TMEM132D: variants seen among roughly 807,000 people sequenced by gnomAD.
The protein encoded by TMEM132D is mature OL transmembrane protein.
Under a neutral mutation model 62.3 loss-of-function variants are expected in TMEM132D, and 21 were observed. That is an observed-to-expected ratio of 0.34 (90% CI 0.24 to 0.49). TMEM132D has a LOEUF of 0.49. TMEM132D is among the 20% of genes least tolerant of loss of function. The probability of loss-of-function intolerance (pLI) is 0.99; values close to 1 mark genes in which losing one functional copy is unlikely to be tolerated. For missense variants in TMEM132D, 1,346 were observed against 1,402.8 expected, an observed-to-expected ratio of 0.96 and a Z score of 0.65; for synonymous variants, 621 against 575.6, an observed-to-expected ratio of 1.08 and a Z score of -1.13.
In TMEM132D at chr12:129,074,023, G is replaced by A. The variant is rs761446579; in HGVS notation, c.3152C>T (p.Thr1051Ile). 1 of 1,614,044 alleles carries A rather than the reference G, an allele frequency of 6.2e-7. No individual in the cohort carries two copies. The highest frequency in any genetic ancestry group is 1.3e-5 in the African/African-American group (1 of 75,018). ...GTACTCGTCGTCTGAGGAGACGGCG[G>A]TGAAGGTGGTAAATTTTACCCTTTT... ...KRKRVKFTTF[T>I]AVSSDDEYPT... The change falls in exon 9 of 9, where the codon ACC becomes ATC. Residue 1051 changes from threonine to isoleucine, a missense_variant. Thr to Ile is a moderately conservative substitution (Grantham distance 89, BLOSUM62 -1). Transcript: ENST00000422113.
intron 2 of TMEM132D, among the ~76,000 whole-genome samples, chr12:129,561,073 A>AAGGG (rs1266352623): frequency 1.3e-5 from 2 of 152,202 alleles, no homozygotes; most frequent in African/African-American, 4.8e-5. Context: ...TGAAGGAAGG[A>AAGGG]AGGAAAAGTT....
At chr12:129,800,584 C>G (rs1871736161) in intron 1 of TMEM132D, among the ~76,000 whole-genome samples, 1 of 152,022 alleles carries the variant, frequency 6.6e-6, no homozygotes, top group Non-Finnish European at 1.5e-5. Context: ...AGGTGGGTAC[C>G]CCTTGTAGAG....
intron 3 of TMEM132D, among the ~76,000 whole-genome samples, chr12:129,351,014 C>T (rs754911234): frequency 7.9e-5 from 12 of 152,278 alleles, no homozygotes; most frequent in Admixed American, 3.9e-4. Context: ...CTGAAACCCA[C>T]GATATAGGAT....
chr12:129,326,196 C>T (rs1022035305), intron 4 of TMEM132D, among the ~76,000 whole-genome samples: 12 of 152,134 alleles, frequency 7.9e-5, no homozygotes, highest in Admixed American at 2.6e-4. Flanking sequence ...CTCTGTTCTC[C>T]GTGGAAAATA....
At chr12:129,564,555 A>C (rs181575909) in intron 2 of TMEM132D, among the ~76,000 whole-genome samples, 1 of 152,084 alleles carries the variant, frequency 6.6e-6, no homozygotes, top group Non-Finnish European at 1.5e-5. Context: ...TCTTTCGTTA[A>C]AGCAATTCAC....
chr12:129,696,273 T>A (rs979242379), intron 2 of TMEM132D, among the ~76,000 whole-genome samples: 2 of 152,336 alleles, frequency 1.3e-5, no homozygotes, highest in African/African-American at 4.8e-5. Context: ...AGTATCTCCT[T>A]AGTAATGTCT....
rs1593068013 is a variant in TMEM132D, at chr12:129,565,513, A to C, written c.969-34308T>G. Among the ~76,000 whole-genome samples the C allele has an allele frequency of 2.6e-5, 4 of 152,236 alleles. No homozygotes were observed. In the East Asian group the frequency reaches 7.7e-4, roughly 29 times the overall value. The stretch of plus-strand genomic sequence containing the variant: ...GAGGAGGGTATCATGAGGCAGGTGC[A>C]AGCCCCTCTTTCCATTATGCCCTGA... On this transcript the variant is annotated intron_variant, in intron 2 of 8. Coordinates refer to ENST00000422113, the MANE Select transcript of TMEM132D (RefSeq NM_133448.3).
intron 2 of TMEM132D, among the ~76,000 whole-genome samples, chr12:129,687,203 G>A (rs1318191939): frequency 1.3e-5 from 2 of 152,164 alleles, no homozygotes; most frequent in Non-Finnish European, 2.9e-5. Flanking sequence ...CATAAGAACA[G>A]TGGGGTCTTC....
intron 3 of TMEM132D, among the ~76,000 whole-genome samples, chr12:129,512,946 T>C (rs1296756458): frequency 2.0e-5 from 3 of 152,184 alleles, no homozygotes; most frequent in Non-Finnish European, 4.4e-5. Flanking sequence ...AGGAGGGTTA[T>C]TGGACTCCAC....
chr12:129,500,434 C>T (rs1374205790), intron 3 of TMEM132D, among the ~76,000 whole-genome samples: 4 of 129,972 alleles, frequency 3.1e-5, no homozygotes, highest in African/African-American at 1.3e-4. Context: ...GAGGAAACTG[C>T]TCAGTCTATG....
At chr12:129,112,262 C>T (rs1359100091) in intron 5 of TMEM132D, among the ~76,000 whole-genome samples, 2 of 152,200 alleles carry the variant, frequency 1.3e-5, no homozygotes, top group African/African-American at 2.4e-5. Flanking sequence ...TTGGGAAGGA[C>T]AGGCAGAATC....
intron 3 of TMEM132D, among the ~76,000 whole-genome samples, chr12:129,345,763 A>G (rs1328808754): frequency 6.6e-6 from 1 of 152,250 alleles, no homozygotes; most frequent in Non-Finnish European, 1.5e-5. Flanking sequence ...ATGTTGAATC[A>G]GCCTTGCATC....
Position 129,136,997 on chromosome 12 carries a change from T to C in TMEM132D, c.1444-52295A>G, listed in dbSNP as rs1193642922. The stretch of plus-strand genomic sequence containing the variant: ...ACCATCAACAGCATCATCAGCATCA[T>C]CAGCATCACCATCACAATTACCATC... On this transcript the variant is annotated intron_variant, in intron 5 of 8. Transcript: ENST00000422113. Among the ~76,000 whole-genome samples, 5 of 144,754 alleles carry C rather than the reference T, an allele frequency of 3.5e-5. No homozygotes were observed. In the East Asian group the frequency reaches 1.0e-3, roughly 30 times the overall value. 95.0% of individuals were successfully genotyped at this position (144,754 alleles called of 152,430 possible). A position where few individuals can be genotyped will look rare whatever the true frequency, so the allele number is the denominator to read the frequency against.
chr12:129,769,678 A>G (rs978062607), intron 1 of TMEM132D, among the ~76,000 whole-genome samples: 3 of 152,172 alleles, frequency 2.0e-5, no homozygotes, highest in African/African-American at 7.2e-5. Flanking sequence ...TTACCTTGTA[A>G]GTTAGCCAAT....
At chr12:129,363,307 T>A (rs1381861535) in intron 3 of TMEM132D, among the ~76,000 whole-genome samples, 1 of 152,208 alleles carries the variant, frequency 6.6e-6, no homozygotes, top group East Asian at 1.9e-4. Context: ...CTCTGAAGCA[T>A]GTAAAATCTA....
In TMEM132D at chr12:129,124,815, T is replaced by A. The variant is rs567401607; in HGVS notation, c.1444-40113A>T. Among the ~76,000 whole-genome samples, 37 of 152,358 alleles carry A rather than the reference T, an allele frequency of 2.4e-4. 1 individual carries two copies. Among genetic ancestry groups the A allele is most frequent in the African/African-American group, 8.7e-4 (36 of 41,588 alleles). ...TTGGTGAGTATATGCCCTCATTTTT[T>A]GGAAACTGCTTGGTCTTTGGGAAGA... On this transcript the variant is annotated intron_variant, in intron 5 of 8. Coordinates refer to ENST00000422113, the MANE Select transcript of TMEM132D (RefSeq NM_133448.3).
At position 129,114,720 on chromosome 12, in the gene TMEM132D, A is replaced by G. The variant is rs140360492; in HGVS notation, c.1444-30018T>C. On this transcript the variant is annotated intron_variant, in intron 5 of 8. Coordinates refer to ENST00000422113, the MANE Select transcript of TMEM132D (RefSeq NM_133448.3). ...CTAAGTAAACTCTAACCTGCTTTCT[A>G]ATGTCGCCACCTCGTTTTCCCTGCT... 1.6e-3 allele frequency among the ~76,000 whole-genome samples: 249 copies of G among 152,252 alleles called. 2 individuals carry two copies. Among genetic ancestry groups the G allele is most frequent in the African/African-American group, 5.9e-3 (244 of 41,534 alleles).
At chr12:129,885,432 G>C (rs1413108397) in intron 1 of TMEM132D, among the ~76,000 whole-genome samples, 1 of 152,216 alleles carries the variant, frequency 6.6e-6, no homozygotes, top group Non-Finnish European at 1.5e-5. Flanking sequence ...TTGCATATCA[G>C]AATCACTTTG....
At chr12:129,212,533 T>C (rs1879085314) in intron 4 of TMEM132D, 3 of 152,238 alleles carry the variant, frequency 2.0e-5, no homozygotes, top group Admixed American at 1.3e-4. Context: ...GCCTGAGATA[T>C]GACCTATAAC....
Sources: allele counts gnomAD v4.1 joint callset (sites outside exome capture counted in the v4.1 genomes callset), GRCh38; gene constraint gnomAD v4.1.1; transcripts MANE v1.5; gene names NCBI Gene and HGNC (gene_info 2026-07-23, HGNC 2026-07-21).